The following CCDC158 variants were observed in gnomAD, a reference collection of about 807,000 sequenced individuals.
CCDC158 encodes the protein coiled-coil domain containing 158.
A neutral mutation model predicts 138.6 loss-of-function variants in CCDC158; 116 were observed. The observed-to-expected ratio is 0.84, with a 90% CI of 0.72 to 0.98. The LOEUF (loss-of-function observed/expected upper bound fraction) is 0.98. Among genes scored for constraint, CCDC158 ranks in the 50% least tolerant of loss-of-function variants. CCDC158 has a pLI of 0.00. For synonymous variants in CCDC158, 436 were observed against 442.4 expected, an observed-to-expected ratio of 0.99 and a Z score of 0.18; for missense variants, 1,265 against 1,306.1, an observed-to-expected ratio of 0.97 and a Z score of 0.48.
intron 24 of CCDC158, among the ~76,000 whole-genome samples, chr4:76,317,599 C>A (rs958439179): frequency 1.3e-5 from 2 of 152,002 alleles, no homozygotes; most frequent in African/African-American, 2.4e-5. Context: ...ACAACAACAA[C>A]AAAAAACAAT....
In CCDC158 at chr4:76,322,870, GTGCTA is replaced by G. The variant is rs553664666; in HGVS notation, c.3277+427_3277+431del. On this transcript the variant is annotated intron_variant, in intron 24 of 24. Transcript: ENST00000682701. ...TCGTTGGGTGGCATAGTGTCTTATA[GTGCTA>G]TGCTAATTTAAATCCTGTGTAAAGA... Among the ~76,000 whole-genome samples the G allele has an allele frequency of 7.9e-5, 12 of 152,278 alleles. No individual in the cohort carries two copies. In the South Asian group the frequency reaches 2.5e-3, roughly 32 times the overall value.
chr4:76,332,574 T>C (rs1721101551), intron 19 of CCDC158, 83 bp from the exon 20 acceptor site: 2 of 1,091,334 alleles, frequency 1.8e-6, no homozygotes, highest in East Asian at 2.7e-5. Context: ...ATTGCTTACA[T>C]ATATTCAATT....
chr4:76,344,881 T>C (rs1348072793), intron 18 of CCDC158: 33 of 1,565,936 alleles, frequency 2.1e-5, no homozygotes, highest in Non-Finnish European at 2.9e-5. Context: ...AAACAAGAAC[T>C]GGAAGCCTAA....
intron 9 of CCDC158, among the ~76,000 whole-genome samples, chr4:76,378,419 T>A (rs1431315130): frequency 1.3e-5 from 2 of 152,188 alleles, no homozygotes; most frequent in African/African-American, 4.8e-5. Context: ...GTGACAGAAC[T>A]GTATGTAAAT....
chr4:76,313,760 T>C (rs1230297672), intron 24 of CCDC158, among the ~76,000 whole-genome samples: 1 of 152,240 alleles, frequency 6.6e-6, no homozygotes, highest in African/African-American at 2.4e-5. Flanking sequence ...ATTTGGTGAA[T>C]ATCTGCACAT....
intron 18 of CCDC158, among the ~76,000 whole-genome samples, chr4:76,341,748 C>T (rs915500849): frequency 3.9e-5 from 6 of 152,164 alleles, no homozygotes; most frequent in Admixed American, 3.9e-4. Flanking sequence ...ACAGTAATAA[C>T]ATGTTCTAGG....
At chr4:76,345,380 C>T (rs988936104) in intron 18 of CCDC158, 37 of 1,019,772 alleles carry the variant, frequency 3.6e-5, no homozygotes, top group Middle Eastern at 6.1e-4. Flanking sequence ...AGAGCAAAGA[C>T]GTCAAATTGG....
intron 4 of CCDC158, among the ~76,000 whole-genome samples, chr4:76,386,019 C>T (rs75053575): frequency 0.029 from 4,479 of 152,172 alleles, 219 homozygotes; most frequent in African/African-American, 0.1. Context: ...CAATGAAGTA[C>T]GAGTGTAAAA....
chr4:76,331,753 G>C (rs1192704068), intron 20 of CCDC158, among the ~76,000 whole-genome samples: 3 of 152,156 alleles, frequency 2.0e-5, no homozygotes, highest in African/African-American at 7.2e-5. Flanking sequence ...GTGGTCACAA[G>C]AGAGATTCGT....
rs201063324 is a variant in CCDC158 at position 76,396,454 on chromosome 4, G to A, written c.103C>T (p.Arg35Cys). Reference sequence around the variant, plus strand: ...GATGTGTTTTCAATTATTGTACCACGAATAGATGACACAAAAAATGAACTT... The same window carrying A: ...GATGTGTTTTCAATTATTGTACCACAAATAGATGACACAAAAAATGAACTT... ...SSSSFFVSSI[R>C]GTIIENTSSA... The change falls in exon 4 of 25, where the codon CGT (arginine) becomes TGT (cysteine). Residue 35 changes from arginine to cysteine, a missense_variant. By Grantham distance (180) the Arg-to-Cys change is radical. Transcript: ENST00000682701. 3.9e-5 allele frequency: 62 copies of A among 1,609,348 alleles called. No individual in the cohort carries two copies. The highest frequency in any genetic ancestry group is 8.5e-5 in the Admixed American group (5 of 58,994).
At chr4:76,345,661 C>G (rs1002804121) in intron 18 of CCDC158, 7 of 745,386 alleles carry the variant, frequency 9.4e-6, no homozygotes, top group Non-Finnish European at 1.7e-5. Flanking sequence ...TAAATCATTA[C>G]CATGGAAGAT....
chr4:76,374,444 C>G (rs1427841274), intron 9 of CCDC158, among the ~76,000 whole-genome samples: 1 of 152,214 alleles, frequency 6.6e-6, no homozygotes, highest in Non-Finnish European at 1.5e-5. Context: ...GCAATATGAT[C>G]AGGCGAAGAG....
intron 4 of CCDC158, among the ~76,000 whole-genome samples, chr4:76,387,668 C>T (rs1319200612): frequency 6.6e-6 from 1 of 151,810 alleles, no homozygotes; most frequent in Non-Finnish European, 1.5e-5. Flanking sequence ...ACTAAAAATA[C>T]AAAAATTAGC....
chr4:76,353,051 T>A, intron 16 of CCDC158, 72 bp downstream of exon 16: 4 of 1,294,010 alleles, frequency 3.1e-6, no homozygotes, highest in Non-Finnish European at 4.3e-6. Flanking sequence ...ATAGAGCTTT[T>A]GTTCAGAACA....
chr4:76,325,773 A>T lies in CCDC158; in HGVS notation c.3169+84T>A. On this transcript the variant is annotated intron_variant, in intron 23 of 24. Transcript: ENST00000682701. Reference sequence around the variant, plus strand: ...CTTACACATAAGAGCAGCATGCAAAACCTTAATTCTGAGTAAAAAGAACTT... The same window carrying T: ...CTTACACATAAGAGCAGCATGCAAATCCTTAATTCTGAGTAAAAAGAACTT... 25 of 1,223,392 alleles carry T rather than the reference A, an allele frequency of 2.0e-5. No homozygotes were observed. In the South Asian group the frequency reaches 3.7e-4, roughly 18 times the overall value. 75.8% of individuals were successfully genotyped at this position (1,223,392 alleles called of 1,614,324 possible).
chr4:76,407,867 C>A lies in CCDC158; in HGVS notation c.-74+4223G>T, dbSNP rs887031169. 2.0e-5 allele frequency among the ~76,000 whole-genome samples: 3 copies of A among 152,070 alleles called. No individual in the cohort carries two copies. In the South Asian group the frequency reaches 6.2e-4, roughly 31 times the overall value. On this transcript the variant is annotated intron_variant, in intron 2 of 24. Coordinates refer to ENST00000682701, the MANE Select transcript of CCDC158 (RefSeq NM_001394954.1). ...GCTTTAGAATATTCTGATGTGGAAA[C>A]CACACTTGTCTACTTCGACGTAAGA...
intron 9 of CCDC158, among the ~76,000 whole-genome samples, chr4:76,372,071 G>T (rs568774082): frequency 6.6e-6 from 1 of 151,394 alleles, no homozygotes; most frequent in East Asian, 1.9e-4. Context: ...TTTGGGAATT[G>T]CCTGTAATAC....
At chr4:76,374,155 TA>T (rs112745789) in intron 9 of CCDC158, among the ~76,000 whole-genome samples, 2 of 151,812 alleles carry the variant, frequency 1.3e-5, no homozygotes, top group African/African-American at 4.8e-5. Flanking sequence ...GACACTCTCT[TA>T]AAAAAACAAA....
rs1730077767 is a variant in CCDC158, at chr4:76,421,001, T to G, written c.-153A>C. 6.6e-6 allele frequency among the ~76,000 whole-genome samples: 1 copy of G among 151,856 alleles called. No individual in the cohort carries two copies. Among genetic ancestry groups the G allele is most frequent in the Non-Finnish European group, 1.5e-5 (1 of 67,940 alleles). On this transcript the variant is annotated 5_prime_UTR_variant, in exon 1 of 25. An upstream start codon of the reference 5' UTR is lost. Coordinates refer to ENST00000682701, the MANE Select transcript of CCDC158 (RefSeq NM_001394954.1). The stretch of plus-strand genomic sequence containing the variant: ...ACCTAATCCTAAGACACCGGCCACA[T>G]CTCCGCGGGGCGCCGGCGGGCGCAG...
Sources: gnomAD v4.1 joint callset for allele counts (sites outside exome capture counted in the v4.1 genomes callset) on GRCh38, gnomAD v4.1.1 for gene constraint, MANE v1.5 for transcripts, NCBI Gene and HGNC (gene_info 2026-07-23, HGNC 2026-07-21) for gene names.